Variants in LONP2 observed in about 807,000 individuals in gnomAD.
LONP2 encodes the protein lon peptidase 2, peroxisomal, also known as lon protease homolog 2, peroxisomal.
A neutral mutation model predicts 85.6 loss-of-function variants in LONP2; 60 were observed. The observed-to-expected ratio is 0.70, with a 90% confidence interval of 0.57 to 0.87. LONP2 has a LOEUF of 0.87. Ranked by LOEUF, LONP2 falls within the 40% of genes least tolerant of loss-of-function variation. The probability of loss-of-function intolerance (pLI) is 0.00; values close to 1 mark genes in which losing one functional copy is unlikely to be tolerated. For missense variants in LONP2, 860 were observed against 1,063.5 expected (o/e 0.81, Z 2.66); for synonymous variants, 395 against 389.7 (o/e 1.01, Z -0.16).
chr16:48,268,439 T>TA (rs751985532), intron 6 of LONP2, among the ~76,000 whole-genome samples: 3 of 152,228 alleles, frequency 2.0e-5, no homozygotes, highest in African/African-American at 4.8e-5. Context: ...GATGGAAACT[T>TA]ACTCTTCTTG....
At chr16:48,261,285 C>A in intron 4 of LONP2, 139 bp from the exon 5 acceptor site, 1 of 591,950 alleles carries the variant, frequency 1.7e-6, no homozygotes, top group Non-Finnish European at 2.7e-6. Flanking sequence ...GATTATCATT[C>A]TGAACTTCAC....
intron 11 of LONP2, 85 bp from the exon 12 acceptor site, chr16:48,334,131 G>T: frequency 7.7e-7 from 1 of 1,292,400 alleles, no homozygotes; most frequent in East Asian, 2.3e-5. Context: ...GAGGTCCACT[G>T]GGCTTTTGTT....
rs763321759 is a variant in LONP2, at chr16:48,258,727, A to C, written c.710A>C (p.Asp237Ala). ...LLQKTRKPKQ[D>A]DDKRVIAIRP... is the part of the protein sequence containing the mutation. Reference sequence around the variant, plus strand: ...CAAAAAACCAGAAAACCCAAGCAAGATGATGATAAGAGGGTAAATATTTAT... The same window carrying C: ...CAAAAAACCAGAAAACCCAAGCAAGCTGATGATAAGAGGGTAAATATTTAT... Residue 237 changes from aspartate (D) to alanine (A), a missense_variant, in exon 4 of 15, where the codon GAT (aspartate) becomes GCT (alanine). Around this residue, in one of 3 missense-constraint regions of LONP2, gnomAD observed 743 missense variants for 917.3 expected, o/e 0.81. Transcript: ENST00000285737. 2 of 1,610,712 alleles carry C rather than the reference A, an allele frequency of 1.2e-6. No homozygotes were observed. The highest frequency in any genetic ancestry group is 8.5e-7 in the Non-Finnish European group (1 of 1,178,944).
intron 7 of LONP2, among the ~76,000 whole-genome samples, chr16:48,275,502 C>T (rs1343397882): frequency 2.0e-5 from 3 of 152,122 alleles, no homozygotes; most frequent in Non-Finnish European, 4.4e-5. Context: ...AAGTAACCAT[C>T]AGATGAGTTA....
intron 8 of LONP2, among the ~76,000 whole-genome samples, chr16:48,287,270 C>T (rs898049205): frequency 6.6e-6 from 1 of 152,208 alleles, no homozygotes; most frequent in Non-Finnish European, 1.5e-5. Flanking sequence ...TCAGGTCTTT[C>T]CTGGATATAC....
intron 11 of LONP2, among the ~76,000 whole-genome samples, chr16:48,307,030 T>C (rs1233350655): frequency 1.3e-5 from 2 of 152,142 alleles, no homozygotes; most frequent in Non-Finnish European, 2.9e-5. Context: ...AAACCTCCAG[T>C]GTATCAAACA....
At chr16:48,291,191 C>T (rs1181862528) in intron 8 of LONP2, among the ~76,000 whole-genome samples, 1 of 149,586 alleles carries the variant, frequency 6.7e-6, no homozygotes, top group Non-Finnish European at 1.5e-5. Context: ...ATTCTGTGGA[C>T]TCATCACCCA....
intron 8 of LONP2, among the ~76,000 whole-genome samples, chr16:48,281,734 C>T (rs1972332267): frequency 6.6e-6 from 1 of 152,058 alleles, no homozygotes; most frequent in African/African-American, 2.4e-5. Flanking sequence ...ATAGAGAAGT[C>T]ACTAGTCTAG....
In LONP2 at chr16:48,258,732, G is replaced by C; in HGVS notation, c.715G>C (p.Asp239His). The C allele has an allele frequency of 6.2e-7, 1 of 1,603,148 alleles. No homozygotes were observed. Among genetic ancestry groups the C allele is most frequent in the Non-Finnish European group, 8.5e-7 (1 of 1,176,618 alleles). The change falls in exon 4 of 15, where the codon GAT (aspartate) becomes CAT (histidine). Residue 239 changes from aspartate to histidine, a missense_variant. By Grantham distance (81) the Asp-to-His change is moderately conservative. Around this residue, in one of 3 missense-constraint regions of LONP2, gnomAD observed 743 missense variants for 917.3 expected, o/e 0.81. Coordinates refer to ENST00000285737, the MANE Select transcript of LONP2 (RefSeq NM_031490.5). ...AACCAGAAAACCCAAGCAAGATGAT[G>C]ATAAGAGGGTAAATATTTATTTTAA... The part of the protein sequence containing the change: ...QKTRKPKQDD[D>H]KRVIAIRPIR...
chr16:48,272,588 T>C (rs1463472702), intron 7 of LONP2, among the ~76,000 whole-genome samples: 1 of 152,174 alleles, frequency 6.6e-6, no homozygotes, highest in Admixed American at 6.6e-5. Context: ...GCCTAAAATA[T>C]TTGTAAATAT....
intron 8 of LONP2, among the ~76,000 whole-genome samples, chr16:48,282,943 G>C (rs914719273): frequency 1.3e-5 from 2 of 152,228 alleles, no homozygotes. Flanking sequence ...AAGGAAATTA[G>C]AAATGCTATT....
At chr16:48,348,076 A>G (rs1276924931) in intron 13 of LONP2, 24 bp from the exon 14 acceptor site, 2 of 1,570,306 alleles carry the variant, frequency 1.3e-6, no homozygotes, top group East Asian at 2.3e-5. Flanking sequence ...TTTCTACATT[A>G]AAGTCCCTTT....
At position 48,261,447 on chromosome 16, in the gene LONP2, G is replaced by A. The variant is rs1467653645; in HGVS notation, c.747G>A (p.Arg249=). ...DKRVIAIRPI[R]RITHISGTLE... is the part of the protein sequence containing the mutation. ...AGGTTATAGCAATACGCCCTATTAG[G>A]AGAATTACACATATCTCAGGTACTT... Residue 249 remains arginine, a synonymous_variant, in exon 5 of 15, where the codon AGG becomes AGA. Coordinates refer to ENST00000285737, the MANE Select transcript of LONP2 (RefSeq NM_031490.5). The A allele has an allele frequency of 1.2e-6, 2 of 1,604,398 alleles. No individual in the cohort carries two copies. Among genetic ancestry groups the A allele is most frequent in the South Asian group, 2.2e-5 (2 of 89,790 alleles).
intron 2 of LONP2, among the ~76,000 whole-genome samples, chr16:48,255,969 A>T (rs1971750684): frequency 6.6e-6 from 1 of 152,150 alleles, no homozygotes; most frequent in African/African-American, 2.4e-5. Context: ...CTAAATATTA[A>T]TATTTCATCC....
At chr16:48,250,342 C>T (rs183825827) in intron 1 of LONP2, among the ~76,000 whole-genome samples, 65 of 151,846 alleles carry the variant, frequency 4.3e-4, no homozygotes, top group Non-Finnish European at 6.5e-4. Context: ...ATTAGCTGGG[C>T]GTGGTGGTGT....
chr16:48,306,976 C>T (rs1972924100), intron 11 of LONP2, among the ~76,000 whole-genome samples: 1 of 152,002 alleles, frequency 6.6e-6, no homozygotes, highest in African/African-American at 2.4e-5. Flanking sequence ...GAGTTACTGC[C>T]AGGAAGAAAA....
intron 8 of LONP2, among the ~76,000 whole-genome samples, chr16:48,279,008 G>T (rs867199988): frequency 3.3e-5 from 5 of 151,874 alleles, no homozygotes; most frequent in African/African-American, 1.2e-4. Context: ...AACTTTCTCT[G>T]CATGTTCTTT....
At chr16:48,264,153 C>T (rs1971937788) in intron 6 of LONP2, among the ~76,000 whole-genome samples, 1 of 152,182 alleles carries the variant, frequency 6.6e-6, no homozygotes, top group African/African-American at 2.4e-5. Context: ...GCACCATTGT[C>T]ACTGATAACA....
chr16:48,274,393 A>G (rs1341773710), intron 7 of LONP2, among the ~76,000 whole-genome samples: 1 of 152,040 alleles, frequency 6.6e-6, no homozygotes, highest in African/African-American at 2.4e-5. Flanking sequence ...AAATGTGGTG[A>G]GCGCTCTCTG....
Sources: allele counts gnomAD v4.1 joint callset (sites outside exome capture counted in the v4.1 genomes callset), GRCh38; gene constraint gnomAD v4.1.1; regional missense constraint gnomAD v4.1.1; transcripts MANE v1.5; gene names NCBI Gene and HGNC (gene_info 2026-07-23, HGNC 2026-07-21).